BRPF3: variants seen among roughly 807,000 people sequenced by gnomAD.
BRPF3 encodes the protein bromodomain and PHD finger containing 3, also known as bromodomain and PHD finger-containing protein 3.
In BRPF3, 18 loss-of-function variants were observed where a neutral mutation model predicts 102.0. The ratio of observed to expected loss-of-function variants is 0.18; its 90% CI spans 0.12 to 0.26. BRPF3 has a LOEUF of 0.26. Among genes scored for constraint, BRPF3 ranks in the 10% least tolerant of loss-of-function variants. The probability of loss-of-function intolerance (pLI) is 1.00; values close to 1 mark genes in which losing one functional copy is unlikely to be tolerated. For missense variants in BRPF3, 1,147 were observed against 1,567.8 expected, an observed-to-expected ratio of 0.73 and a Z score of 4.53; for synonymous variants, 570 against 614.2, an observed-to-expected ratio of 0.93 and a Z score of 1.06.
Position 36,228,885 on chromosome 6 carries a change from T to G in BRPF3, c.3280-17T>G. The G allele has an allele frequency of 6.2e-7, 1 of 1,613,702 alleles. No homozygotes were observed. Among genetic ancestry groups the G allele is most frequent in the Non-Finnish European group, 8.5e-7 (1 of 1,179,762 alleles). ...TGGCCTCCCTCACTGAGTGCCCATC[T>G]TCTATTCTGCCTCCAGATCATCGAT... On this transcript the variant is annotated splice_polypyrimidine_tract_variant and intron_variant, in intron 11 of 12. Coordinates refer to ENST00000357641, the MANE Select transcript of BRPF3 (RefSeq NM_015695.3).
chr6:36,224,429 T>C (rs1670438316), intron 10 of BRPF3, among the ~76,000 whole-genome samples: 1 of 152,134 alleles, frequency 6.6e-6, no homozygotes, highest in African/African-American at 2.4e-5. Context: ...CAAAGTAAGA[T>C]GAAAGGATGC....
chr6:36,211,131 C>T (rs867477997), intron 6 of BRPF3, 127 bp from the exon 7 acceptor site: 22 of 1,095,292 alleles, frequency 2.0e-5, no homozygotes, highest in South Asian at 7.6e-5. Context: ...CCCACAGTGA[C>T]GCTGCTGGAA....
chr6:36,214,738 C>T (rs1045679752), intron 8 of BRPF3, among the ~76,000 whole-genome samples: 2 of 152,110 alleles, frequency 1.3e-5, no homozygotes, highest in African/African-American at 4.8e-5. Context: ...ATGAGCAAAA[C>T]AGACAAAAAT....
chr6:36,211,964 C>T (rs1768134017), intron 7 of BRPF3, among the ~76,000 whole-genome samples: 1 of 152,084 alleles, frequency 6.6e-6, no homozygotes, highest in Admixed American at 6.5e-5. Flanking sequence ...TGTAACATCA[C>T]GTGGAGAGAC....
Position 36,210,555 on chromosome 6 carries a change from A to G in BRPF3, c.2179+27A>G. On this transcript the variant is annotated intron_variant, in intron 6 of 12. Coordinates refer to ENST00000357641, the MANE Select transcript of BRPF3 (RefSeq NM_015695.3). The surrounding 1 kb of genome is among the most constrained non-coding windows in gnomAD (Gnocchi z 4.7). ...TGAGAGGCCTGGATGGGTGGGGAGG[A>G]GAGGGGCCAGGAGGAGGCACAGGAA... 1 of 1,557,280 alleles carries G rather than the reference A, an allele frequency of 6.4e-7. No individual in the cohort carries two copies.
At chr6:36,197,422 G>A (rs2127270800) in intron 1 of BRPF3, 1 of 152,368 alleles carries the variant, frequency 6.6e-6, no homozygotes, top group Non-Finnish European at 1.5e-5. Flanking sequence ...TGTCTCTGGT[G>A]CGCTCGCCCC....
chr6:36,204,239 C>T (rs1767824262), intron 2 of BRPF3, among the ~76,000 whole-genome samples: 1 of 152,226 alleles, frequency 6.6e-6, no homozygotes, highest in South Asian at 2.1e-4. Flanking sequence ...ATGGGACTCT[C>T]AGCCGCAGAA....
At position 36,211,341 on chromosome 6, in the gene BRPF3, G is replaced by A. The variant is rs1257510033; in HGVS notation, c.2263G>A (p.Val755Met). 1.2e-6 allele frequency: 2 copies of A among 1,614,130 alleles called. No individual in the cohort carries two copies. The highest frequency in any genetic ancestry group is 3.3e-5 in the Admixed American group (2 of 60,016). Reference sequence around the variant, plus strand: ...GGAGCTGCTGGAGAAACTGGACCTGGTGAGCGCCATGCGGTCCAGTGGGGC... The same window carrying A: ...GGAGCTGCTGGAGAAACTGGACCTGATGAGCGCCATGCGGTCCAGTGGGGC... ...LKELLEKLDL[V>M]SAMRSSGART... The change falls in exon 7 of 13, where the codon GTG becomes ATG. Residue 755 changes from valine to methionine, a missense_variant. Around this residue, in one of 11 missense-constraint regions of BRPF3, gnomAD observed 379 missense variants for 426.3 expected, o/e 0.89. Transcript: ENST00000357641.
intron 4 of BRPF3, among the ~76,000 whole-genome samples, chr6:36,208,089 A>C (rs1383765797): frequency 1.3e-5 from 2 of 152,224 alleles, no homozygotes; most frequent in African/African-American, 4.8e-5. Flanking sequence ...AGCCTACATC[A>C]TAAGGTTGTT....
intron 1 of BRPF3, chr6:36,197,417 C>G (rs1317127321): frequency 6.6e-6 from 1 of 152,278 alleles, no homozygotes; most frequent in Non-Finnish European, 1.5e-5. Context: ...CAGGCTGTCT[C>G]TGGTGCGCTC....
intron 12 of BRPF3, among the ~76,000 whole-genome samples, chr6:36,229,313 A>G (rs970483635): frequency 2.0e-5 from 3 of 152,248 alleles, no homozygotes; most frequent in African/African-American, 7.2e-5. Context: ...GCGATGCAGC[A>G]CTGGGCAGAA....
rs1767718127 is a variant in BRPF3, at chr6:36,201,862, A to G, written c.1448+92A>G. On this transcript the variant is annotated intron_variant, in intron 2 of 12. Transcript: ENST00000357641. This position sits in a 1 kb window ranked among gnomAD's most constrained non-coding sequence, Gnocchi z 5.1. ...CCAGGCCTTCGCTAAACACAGTTGGACACTATATCCTCCTCCCCGAATTTA... is the reference window on the plus strand; with the variant it reads ...CCAGGCCTTCGCTAAACACAGTTGGGCACTATATCCTCCTCCCCGAATTTA... The G allele has an allele frequency of 6.0e-6, 9 of 1,494,544 alleles. No homozygotes were observed. Among genetic ancestry groups the G allele is most frequent in the Non-Finnish European group, 6.3e-6 (7 of 1,116,718 alleles). 92.6% of individuals were successfully genotyped at this position (1,494,544 alleles called of 1,614,324 possible). A position where few individuals can be genotyped will look rare whatever the true frequency, so the allele number is the denominator to read the frequency against.
At position 36,224,094 on chromosome 6, in the gene BRPF3, G is replaced by C. The variant is rs538233259; in HGVS notation, c.3182-1173G>C. Among the ~76,000 whole-genome samples, 6 of 152,300 alleles carry C rather than the reference G, an allele frequency of 3.9e-5. No individual in the cohort carries two copies. In the South Asian group the frequency reaches 1.2e-3, roughly 32 times the overall value. ...ATTACAAGTGGAGTTAAGCACAGTA[G>C]CTCATGCCTGTAATTCCAGCACTTT... On this transcript the variant is annotated intron_variant, in intron 10 of 12. Transcript: ENST00000357641.
intron 4 of BRPF3, 150 bp downstream of exon 4, chr6:36,207,594 CT>C (rs1244375047): frequency 3.5e-6 from 4 of 1,137,648 alleles, no homozygotes; most frequent in Non-Finnish European, 4.9e-6. Context: ...GATCTGCCTA[CT>C]TTGTATTAGA....
intron 2 of BRPF3, 189 bp from the exon 3 acceptor site, chr6:36,204,467 ACT>A: frequency 1.6e-6 from 1 of 628,544 alleles, no homozygotes; most frequent in South Asian, 1.9e-5. Flanking sequence ...AAATGAAATA[ACT>A]CATGCTGAAT....
At chr6:36,219,534 A>G (rs1768458377) in intron 9 of BRPF3, among the ~76,000 whole-genome samples, 3 of 152,118 alleles carry the variant, frequency 2.0e-5, no homozygotes, top group Admixed American at 6.5e-5. Flanking sequence ...CCCTTCTTCT[A>G]TGAAGGGCAT....
Position 36,211,457 on chromosome 6 carries a change from C to CT in BRPF3, c.2379_2380insT (p.Asn794Ter). On this transcript the variant is annotated frameshift_variant, in exon 7 of 13. Transcript: ENST00000357641. LOFTEE classifies it high-confidence loss of function. ...CACCACCACCACAGCCACCATCACT[C>CT]AACAAGACAGTATCCAATGGGGAGC... The CT allele has an allele frequency of 6.2e-7, 1 of 1,604,798 alleles. No individual in the cohort carries two copies.
chr6:36,216,747 A>G (rs1176213666), intron 8 of BRPF3, among the ~76,000 whole-genome samples: 1 of 152,166 alleles, frequency 6.6e-6, no homozygotes, highest in Non-Finnish European at 1.5e-5. Context: ...GTGGCTAGCA[A>G]TTGGATAAAG....
At chr6:36,209,087 T>C (rs1407865101) in intron 4 of BRPF3, among the ~76,000 whole-genome samples, 1 of 152,238 alleles carries the variant, frequency 6.6e-6, no homozygotes, top group Non-Finnish European at 1.5e-5. Flanking sequence ...TCTAGACAGA[T>C]GACCTTAGAC....
Sources: allele counts gnomAD v4.1 joint callset (sites outside exome capture counted in the v4.1 genomes callset), GRCh38; gene constraint gnomAD v4.1.1; regional missense constraint gnomAD v4.1.1; non-coding constraint Gnocchi (gnomAD v3.1); transcripts MANE v1.5; gene names NCBI Gene and HGNC (gene_info 2026-07-23, HGNC 2026-07-21).